LRRC28: variants seen among roughly 807,000 people sequenced by gnomAD.
LRRC28 encodes the protein leucine-rich repeat-containing protein 28.
A neutral mutation model predicts 45.7 loss-of-function variants in LRRC28; 39 were observed. The observed-to-expected ratio is 0.85, with a 90% CI of 0.66 to 1.12. The LOEUF is 1.12. Among genes scored for constraint, LRRC28 ranks in the 50% most tolerant of loss-of-function variants. LRRC28 has a pLI of 0.00. For synonymous variants in LRRC28, 206 were observed against 178.8 expected, an observed-to-expected ratio of 1.15 and a Z score of -1.22; for missense variants, 435 against 438.5, an observed-to-expected ratio of 0.99 and a Z score of 0.07.
At chr15:99,288,464 C>T (rs1319836686) in intron 5 of LRRC28, among the ~76,000 whole-genome samples, 1 of 137,248 alleles carries the variant, frequency 7.3e-6, no homozygotes, top group Non-Finnish European at 1.5e-5. Flanking sequence ...TCACTGTAAT[C>T]TCTGCCTCCC....
At chr15:99,335,023 TGAG>T (rs899458450) in intron 6 of LRRC28, among the ~76,000 whole-genome samples, 9 of 152,166 alleles carry the variant, frequency 5.9e-5, no homozygotes, top group Non-Finnish European at 1.2e-4. Flanking sequence ...TAATCAAATT[TGAG>T]GAGATTATTT....
intron 9 of LRRC28, among the ~76,000 whole-genome samples, chr15:99,366,728 C>T (rs1409181486): frequency 6.6e-6 from 1 of 152,030 alleles, no homozygotes; most frequent in Non-Finnish European, 1.5e-5. Context: ...TGCCCTCACA[C>T]TGGGGGTTTG....
chr15:99,290,117 G>C (rs7174369), intron 5 of LRRC28, among the ~76,000 whole-genome samples: 1 of 151,258 alleles, frequency 6.6e-6, no homozygotes, highest in Admixed American at 6.6e-5. Context: ...AATTAGCCGG[G>C]TGTGGTGGCA....
chr15:99,261,425 G>A (rs2081194518), intron 2 of LRRC28, among the ~76,000 whole-genome samples: 1 of 152,140 alleles, frequency 6.6e-6, no homozygotes, highest in South Asian at 2.1e-4. Flanking sequence ...TCTGGAGTTG[G>A]GGAAGTACAA....
chr15:99,320,681 C>G lies in LRRC28; in HGVS notation c.386-13242C>G, dbSNP rs1253477671. The G allele has an allele frequency of 3.3e-5, 5 of 152,276 alleles. No individual in the cohort carries two copies. The South Asian group carries it at 1.0e-3, about 32-fold the overall frequency. 9.4% of individuals were successfully genotyped at this position (152,276 alleles called of 1,614,324 possible). The stretch of plus-strand genomic sequence containing the variant: ...ACAAGCAGTCACCCCTTCAGACTTA[C>G]TGGATCATGATGTGAACCAAAATCA... On this transcript the variant is annotated intron_variant, in intron 5 of 9. Coordinates refer to ENST00000301981, the MANE Select transcript of LRRC28 (RefSeq NM_144598.5).
At chr15:99,324,563 A>G (rs1367300062) in intron 5 of LRRC28, among the ~76,000 whole-genome samples, 2 of 152,170 alleles carry the variant, frequency 1.3e-5, no homozygotes, top group Non-Finnish European at 2.9e-5. Flanking sequence ...GTCATTGTGC[A>G]TCAGCACAGA....
At position 99,313,388 on chromosome 15, in the gene LRRC28, A is replaced by G. The variant is rs895474907; in HGVS notation, c.386-20535A>G. 4.6e-5 allele frequency among the ~76,000 whole-genome samples: 7 copies of G among 152,044 alleles called. No individual in the cohort carries two copies. The South Asian group carries it at 8.3e-4, about 18-fold the overall frequency. On this transcript the variant is annotated intron_variant, in intron 5 of 9. Coordinates refer to ENST00000301981, the MANE Select transcript of LRRC28 (RefSeq NM_144598.5). ...CTCTCTTGGCATCTGAGAACAAGTA[A>G]AGATATAGAAAACTTGAACAATTTT...
At position 99,279,486 on chromosome 15, in the gene LRRC28, T is replaced by C. The variant is rs192937944; in HGVS notation, c.209+2870T>C. Among the ~76,000 whole-genome samples the C allele has an allele frequency of 1.2e-3, 182 of 152,334 alleles. 1 individual carries two copies. Among genetic ancestry groups the C allele is most frequent in the African/African-American group, 4.2e-3 (175 of 41,576 alleles). ...TACTCAGACGGAATAAAGACAGCCT[T>C]GCAACTGGGTCTTCCAGGGAACCTT... is the stretch of plus-strand genomic sequence containing the variant. On this transcript the variant is annotated intron_variant, in intron 3 of 9. Coordinates refer to ENST00000301981, the MANE Select transcript of LRRC28 (RefSeq NM_144598.5).
At chr15:99,290,868 G>A (rs540246922) in intron 5 of LRRC28, among the ~76,000 whole-genome samples, 2 of 152,212 alleles carry the variant, frequency 1.3e-5, no homozygotes, top group African/African-American at 4.8e-5. Flanking sequence ...TTGGGAGGCT[G>A]GGGCGGGAGA....
intron 2 of LRRC28, chr15:99,256,376 G>A (rs1244153849): frequency 1.4e-5 from 4 of 278,322 alleles, no homozygotes; most frequent in Non-Finnish European, 2.7e-5. Flanking sequence ...TATAAAGTTA[G>A]TACCCATTCA....
At chr15:99,279,933 A>C (rs2081735401) in intron 3 of LRRC28, among the ~76,000 whole-genome samples, 1 of 152,166 alleles carries the variant, frequency 6.6e-6, no homozygotes, top group African/African-American at 2.4e-5. Flanking sequence ...TTCCCCTGGC[A>C]ATGTATGATT....
At chr15:99,365,415 A>G (rs920313325) in intron 9 of LRRC28, among the ~76,000 whole-genome samples, 2 of 152,250 alleles carry the variant, frequency 1.3e-5, no homozygotes, top group African/African-American at 4.8e-5. Context: ...AGTTAATGGT[A>G]GGGTCTGAAA....
chr15:99,322,051 A>C (rs1445225763), intron 5 of LRRC28, among the ~76,000 whole-genome samples: 3 of 152,198 alleles, frequency 2.0e-5, no homozygotes, highest in Admixed American at 1.3e-4. Context: ...GGGAAGGAGC[A>C]TTCCTGACCG....
intron 5 of LRRC28, among the ~76,000 whole-genome samples, chr15:99,289,021 T>A (rs1233821630): frequency 1.3e-5 from 2 of 152,172 alleles, no homozygotes; most frequent in African/African-American, 4.8e-5. Flanking sequence ...ATACTAAAAT[T>A]TAGTAGAACA....
At chr15:99,357,432 A>G (rs1401615163) in intron 7 of LRRC28, among the ~76,000 whole-genome samples, 2 of 152,254 alleles carry the variant, frequency 1.3e-5, no homozygotes, top group African/African-American at 4.8e-5. Flanking sequence ...ACAGTACACA[A>G]AGCAACATGG....
At chr15:99,298,949 T>C (rs2152238777) in intron 5 of LRRC28, among the ~76,000 whole-genome samples, 1 of 152,340 alleles carries the variant, frequency 6.6e-6, no homozygotes, top group East Asian at 1.9e-4. Flanking sequence ...CCTCAGGCAA[T>C]CTGCCTGCCT....
At chr15:99,269,230 T>A (rs892233291) in intron 2 of LRRC28, among the ~76,000 whole-genome samples, 4 of 152,390 alleles carry the variant, frequency 2.6e-5, no homozygotes, top group Admixed American at 2.6e-4. Flanking sequence ...TTTTAATTTC[T>A]ACAAATGCTA....
chr15:99,297,222 C>G (rs1174495769), intron 5 of LRRC28: 2 of 151,320 alleles, frequency 1.3e-5, no homozygotes, highest in Non-Finnish European at 2.9e-5. Context: ...GCCCTAAACT[C>G]GTATTCAGAA....
chr15:99,343,318 C>A (rs937467872), intron 6 of LRRC28, among the ~76,000 whole-genome samples: 1 of 152,230 alleles, frequency 6.6e-6, no homozygotes, highest in Non-Finnish European at 1.5e-5. Context: ...TCTGTCCTCT[C>A]CTGTGCTGTC....
Sources: gnomAD v4.1 joint callset for allele counts (sites outside exome capture counted in the v4.1 genomes callset) on GRCh38, gnomAD v4.1.1 for gene constraint, MANE v1.5 for transcripts, NCBI Gene and HGNC (gene_info 2026-07-23, HGNC 2026-07-21) for gene names.